SYT4: variants seen among roughly 807,000 people sequenced by gnomAD.
SYT4 encodes synaptotagmin 4, also known as synaptotagmin-4.
A neutral mutation model predicts 32.9 loss-of-function variants in SYT4; 7 were observed. The ratio of observed to expected loss-of-function variants is 0.21; its 90% CI spans 0.12 to 0.40. The LOEUF is 0.40. Ranked by LOEUF, SYT4 falls within the 10% of genes least tolerant of loss-of-function variation. SYT4 has a pLI of 1.00. For synonymous variants in SYT4, 205 were observed against 186.2 expected (o/e 1.10, Z -0.82); for missense variants, 480 against 488.0 (o/e 0.98, Z 0.16).
rs1276011684 is a variant in SYT4, at chr18:43,274,125, T to G, written c.304A>C (p.Asn102His). The change falls in exon 2 of 4, where the codon AAT (asparagine) becomes CAT (histidine). Residue 102 changes from asparagine (N) to histidine (H), a missense_variant. Asn to His is a moderately conservative substitution (Grantham distance 68). Coordinates refer to ENST00000255224, the MANE Select transcript of SYT4 (RefSeq NM_020783.4). ...LHLDLEKRDLNGNFPKTNLKP... is the reference protein window; with the variant it reads ...LHLDLEKRDLHGNFPKTNLKP... Reference sequence around the variant, plus strand: ...AGGTTGGTTTTGGGAAAATTGCCATTGAGATCTCTCTTTTCAAGATCCAGA... The same window carrying G: ...AGGTTGGTTTTGGGAAAATTGCCATGGAGATCTCTCTTTTCAAGATCCAGA... 1 of 1,613,970 alleles carries G rather than the reference T, an allele frequency of 6.2e-7. No individual in the cohort carries two copies. The highest frequency in any genetic ancestry group is 8.5e-7 in the Non-Finnish European group (1 of 1,179,960).
In SYT4 at chr18:43,270,476, C is replaced by A. The variant is rs1196640210; in HGVS notation, c.1143G>T (p.Arg381Ser). ...SVEFLVLDSE[R>S]GSRNEVIGQL... ...GCCCGATTACCTCATTTCGGGACCC[C>A]CTTTCAGAATCCAAAACCAAAAATT... The change falls in exon 4 of 4, where the codon AGG (arginine) becomes AGT (serine). Residue 381 changes from arginine to serine, a missense_variant. Transcript: ENST00000255224. 2 of 1,614,086 alleles carry A rather than the reference C, an allele frequency of 1.2e-6. No homozygotes were observed. The highest frequency in any genetic ancestry group is 1.7e-6 in the Non-Finnish European group (2 of 1,179,970).
Position 43,271,795 on chromosome 18 carries a change from C to T in SYT4, c.887G>A (p.Cys296Tyr). 6.2e-7 allele frequency: 1 copy of T among 1,613,070 alleles called. No homozygotes were observed. The highest frequency in any genetic ancestry group is 2.2e-5 in the East Asian group (1 of 44,814). The part of the protein sequence containing the change: ...SGRGELLISL[C>Y]YQSTTNTLTV... Reference sequence around the variant, plus strand: ...TAGAGTGTTTGTGGTGGACTGATAGCAGAGAGAGATCAGTAACTCACCCCG... The same window carrying T: ...TAGAGTGTTTGTGGTGGACTGATAGTAGAGAGAGATCAGTAACTCACCCCG... The change falls in exon 3 of 4, where the codon TGC (cysteine) becomes TAC (tyrosine). Residue 296 changes from cysteine (C) to tyrosine (Y), a missense_variant. Coordinates refer to ENST00000255224, the MANE Select transcript of SYT4 (RefSeq NM_020783.4).
Position 43,273,581 on chromosome 18 carries a change from C to T in SYT4, c.848G>A (p.Arg283Lys), listed in dbSNP as rs1208923002. The T allele has an allele frequency of 1.3e-5, 21 of 1,592,938 alleles. No homozygotes were observed. The highest frequency in any genetic ancestry group is 1.7e-5 in the Non-Finnish European group (20 of 1,169,012). ...CTTTAAGCACTGAAAATAAATTACC[C>T]TAACATTTCTCTTGATGATCTCTCT... Reference protein sequence around the residue: ...MNREIIKRNVRKSSGRGELLI... With the variant: ...MNREIIKRNVKKSSGRGELLI... The change falls in exon 2 of 4, where the codon AGG becomes AAG. Residue 283 changes from arginine (R) to lysine (K), a missense_variant and splice_region_variant. Transcript: ENST00000255224.
rs759156436 is a variant in SYT4, at chr18:43,270,333, C to T, written c.*8G>A. The T allele has an allele frequency of 6.2e-7, 1 of 1,610,228 alleles. No individual in the cohort carries two copies. Among genetic ancestry groups the T allele is most frequent in the East Asian group, 2.2e-5 (1 of 44,784 alleles). Reference sequence around the variant, plus strand: ...AAAACCTTTAAGTTCCAACTCACGGCTAGGATGCTAACCATCACAGAGCAC... The same window carrying T: ...AAAACCTTTAAGTTCCAACTCACGGTTAGGATGCTAACCATCACAGAGCAC... On this transcript the variant is annotated 3_prime_UTR_variant, in exon 4 of 4. Coordinates refer to ENST00000255224, the MANE Select transcript of SYT4 (RefSeq NM_020783.4).
In SYT4 at chr18:43,270,040, T is replaced by C. The variant is rs1274911349; in HGVS notation, c.*301A>G. The C allele has an allele frequency of 6.2e-6, 2 of 321,398 alleles. No individual in the cohort carries two copies. The highest frequency in any genetic ancestry group is 5.5e-5 in the East Asian group (1 of 18,068). The allele number at this position is 321,398 out of a possible 1,614,324, so 19.9% of individuals were successfully genotyped here. On this transcript the variant is annotated 3_prime_UTR_variant, in exon 4 of 4. Transcript: ENST00000255224. ...TGTTCCAATGAGATTGTCACATTTA[T>C]AATTTGGGATTCTGGCACAGTATTC...
At chr18:43,271,431 A>G (rs575117228) in intron 3 of SYT4, among the ~76,000 whole-genome samples, 6 of 152,278 alleles carry the variant, frequency 3.9e-5, no homozygotes, top group Admixed American at 2.6e-4. Context: ...ACAGTTTAAG[A>G]AACATACCCA....
rs1163349555 is a variant in SYT4, at chr18:43,273,834, G to A, written c.595C>T (p.Leu199Phe). Residue 199 changes from leucine to phenylalanine, a missense_variant, in exon 2 of 4, where the codon CTC becomes TTC. Transcript: ENST00000255224. ...TSDPYIKMTILPEKKHKVKTR... is the reference protein window; with the variant it reads ...TSDPYIKMTIFPEKKHKVKTR... Reference sequence around the variant, plus strand: ...TTCACTTTATGCTTCTTCTCTGGGAGGATCGTCATTTTGATATATGGGTCA... The same window carrying A: ...TTCACTTTATGCTTCTTCTCTGGGAAGATCGTCATTTTGATATATGGGTCA... 3.1e-6 allele frequency: 5 copies of A among 1,613,890 alleles called. No individual in the cohort carries two copies. The highest frequency in any genetic ancestry group is 1.7e-5 in the Admixed American group (1 of 59,994).
At position 43,270,426 on chromosome 18, in the gene SYT4, TCTGCTG is replaced by T; in HGVS notation, c.1187_1192del (p.Ala396_Ala397del). 6 of 1,614,108 alleles carry T rather than the reference TCTGCTG, an allele frequency of 3.7e-6. No individual in the cohort carries two copies. Among genetic ancestry groups the T allele is most frequent in the Non-Finnish European group, 5.1e-6 (6 of 1,179,968 alleles). ...TTTCCAGTGCTCTCCACCAGTTCCTTCTGCTGCTGCACCCAAGACTAACTGCCCGAT... is the reference window on the plus strand; with the variant it reads ...TTTCCAGTGCTCTCCACCAGTTCCTTCTGCACCCAAGACTAACTGCCCGAT... On this transcript the variant is annotated inframe_deletion, in exon 4 of 4. Transcript: ENST00000255224.
At chr18:43,276,574 T>C (rs891756705) in intron 1 of SYT4, among the ~76,000 whole-genome samples, 1 of 152,096 alleles carries the variant, frequency 6.6e-6, no homozygotes, top group African/African-American at 2.4e-5. Context: ...CTAATTCAAG[T>C]TTCCAGCAGC....
rs775760048 is a variant in SYT4 at position 43,274,408 on chromosome 18, T to G, written c.35-14A>C. 1 of 1,565,268 alleles carries G rather than the reference T, an allele frequency of 6.4e-7. No individual in the cohort carries two copies. The highest frequency in any genetic ancestry group is 8.6e-7 in the Non-Finnish European group (1 of 1,165,000). ...TGGGGATTTCATCTGAAAAATCAAA[T>G]GACCAATAATATACATTAAAGAAGC... On this transcript the variant is annotated splice_polypyrimidine_tract_variant and intron_variant, in intron 1 of 3. Transcript: ENST00000255224.
chr18:43,269,608 C>T lies in SYT4; in HGVS notation c.*733G>A, dbSNP rs1908562974. ...AGGCTTGTGACAGGCAGTGAATAAT[C>T]CAAGGCCATGGTTCTTATGTGAGGT... On this transcript the variant is annotated 3_prime_UTR_variant, in exon 4 of 4. Coordinates refer to ENST00000255224, the MANE Select transcript of SYT4 (RefSeq NM_020783.4). 1 of 152,630 alleles carries T rather than the reference C, an allele frequency of 6.6e-6. No individual in the cohort carries two copies. Among genetic ancestry groups the T allele is most frequent in the Non-Finnish European group, 1.5e-5 (1 of 68,056 alleles). 9.5% of individuals were successfully genotyped at this position (152,630 alleles called of 1,614,324 possible).
At chr18:43,272,778 C>T (rs1256929356) in intron 2 of SYT4, among the ~76,000 whole-genome samples, 1 of 152,088 alleles carries the variant, frequency 6.6e-6, no homozygotes, top group Non-Finnish European at 1.5e-5. Flanking sequence ...GTATCTGAAC[C>T]TTGACCGTCA....
Position 43,277,324 on chromosome 18 carries a change from C to T in SYT4, c.-43G>A, listed in dbSNP as rs752520579. The T allele has an allele frequency of 6.2e-7, 1 of 1,613,324 alleles. No individual in the cohort carries two copies. The highest frequency in any genetic ancestry group is 8.5e-7 in the Non-Finnish European group (1 of 1,179,416). Reference sequence around the variant, plus strand: ...GTCCGAGGTGCTGAAGGGAAAACTGCCTGGCTGGATTCACTTGCCTGGATC... The same window carrying T: ...GTCCGAGGTGCTGAAGGGAAAACTGTCTGGCTGGATTCACTTGCCTGGATC... On this transcript the variant is annotated 5_prime_UTR_variant, in exon 1 of 4. Coordinates refer to ENST00000255224, the MANE Select transcript of SYT4 (RefSeq NM_020783.4).
At chr18:43,272,777 C>A (rs1029565566) in intron 2 of SYT4, among the ~76,000 whole-genome samples, 74 of 152,194 alleles carry the variant, frequency 4.9e-4, no homozygotes, top group African/African-American at 1.7e-3. Context: ...TGTATCTGAA[C>A]CTTGACCGTC....
At position 43,277,330 on chromosome 18, in the gene SYT4, T is replaced by C; in HGVS notation, c.-49A>G. The stretch of plus-strand genomic sequence containing the variant: ...GGTGCTGAAGGGAAAACTGCCTGGC[T>C]GGATTCACTTGCCTGGATCTCAAGC... On this transcript the variant is annotated 5_prime_UTR_variant, in exon 1 of 4. Transcript: ENST00000255224. The C allele has an allele frequency of 6.2e-7, 1 of 1,611,096 alleles. No individual in the cohort carries two copies.
At position 43,270,136 on chromosome 18, in the gene SYT4, T is replaced by G. The variant is rs1908581187; in HGVS notation, c.*205A>C. On this transcript the variant is annotated 3_prime_UTR_variant, in exon 4 of 4. Transcript: ENST00000255224. ...GAGATATTGAATATCTTATGAAAATTTATCCAACTCTTCTAATAAATAGGG... is the reference window on the plus strand; with the variant it reads ...GAGATATTGAATATCTTATGAAAATGTATCCAACTCTTCTAATAAATAGGG... The G allele has an allele frequency of 3.5e-6, 2 of 577,928 alleles. No homozygotes were observed. Among genetic ancestry groups the G allele is most frequent in the Non-Finnish European group, 6.0e-6 (2 of 331,354 alleles). The allele number at this position is 577,928 out of a possible 1,614,324, so 35.8% of individuals were successfully genotyped here.
intron 1 of SYT4, among the ~76,000 whole-genome samples, chr18:43,275,419 A>G (rs1158356143): frequency 5.9e-5 from 9 of 152,154 alleles, no homozygotes; most frequent in Admixed American, 5.2e-4. Flanking sequence ...TAGTGAATCC[A>G]TAGAGTCAAT....
rs1908561543 is a variant in SYT4 at position 43,269,579 on chromosome 18, A to G, written c.*762T>C. 6.6e-6 allele frequency: 1 copy of G among 152,620 alleles called. No individual in the cohort carries two copies. The highest frequency in any genetic ancestry group is 1.5e-5 in the Non-Finnish European group (1 of 68,040). 9.5% of individuals were successfully genotyped at this position (152,620 alleles called of 1,614,324 possible). On this transcript the variant is annotated 3_prime_UTR_variant, in exon 4 of 4. Transcript: ENST00000255224. ...GGTACATAGGGATTTCTCAGGCCAC[A>G]CTGAGGCTTGTGACAGGCAGTGAAT... is the stretch of plus-strand genomic sequence containing the variant.
chr18:43,270,762 A>T, intron 3 of SYT4, 114 bp from the exon 4 acceptor site: 1 of 1,118,086 alleles, frequency 8.9e-7, no homozygotes. Context: ...TTACCAGGAA[A>T]ATAAGTCAAA....
Sources: gnomAD v4.1 joint callset for allele counts (sites outside exome capture counted in the v4.1 genomes callset) on GRCh38, gnomAD v4.1.1 for gene constraint, MANE v1.5 for transcripts, NCBI Gene and HGNC (gene_info 2026-07-23, HGNC 2026-07-21) for gene names.